Variants in BPTF observed in about 807,000 individuals in gnomAD.
BPTF encodes nucleosome-remodeling factor subunit BPTF.
BPTF carries 18 observed loss-of-function variants against 292.5 expected under a neutral mutation model. The ratio of observed to expected loss-of-function variants is 0.06; its 90% CI spans 0.04 to 0.09. BPTF has a LOEUF of 0.09. Among genes scored for constraint, BPTF ranks in the 10% least tolerant of loss-of-function variants. The pLI is 1.00. For synonymous variants in BPTF, 1,225 were observed against 1,251.9 expected, an observed-to-expected ratio of 0.98 and a Z score of 0.45; for missense variants, 2,726 against 3,498.7, an observed-to-expected ratio of 0.78 and a Z score of 5.57.
chr17:67,903,664 T>G, intron 7 of BPTF, 125 bp from the exon 8 acceptor site: 3 of 812,418 alleles, frequency 3.7e-6, no homozygotes, highest in Non-Finnish European at 5.3e-6. Context: ...TTTTGTCAGT[T>G]GGGGTTGTCT....
chr17:67,897,304 G>A (rs1169424166), intron 7 of BPTF, among the ~76,000 whole-genome samples: 5 of 120,836 alleles, frequency 4.1e-5, no homozygotes, highest in African/African-American at 1.6e-4. Context: ...TCATGCCATT[G>A]CACTCCAGCC....
At chr17:67,851,068 A>G (rs2058365183) in intron 1 of BPTF, among the ~76,000 whole-genome samples, 1 of 152,158 alleles carries the variant, frequency 6.6e-6, no homozygotes, top group Admixed American at 6.6e-5. Flanking sequence ...AGGATTCATC[A>G]CCAGACTGGG....
chr17:67,896,166 G>T (rs1274020289), intron 7 of BPTF, among the ~76,000 whole-genome samples: 8 of 152,120 alleles, frequency 5.3e-5, no homozygotes, highest in Admixed American at 2.6e-4. Context: ...GTTTCACCGT[G>T]TTAGCCAGGA....
chr17:67,864,388 G>A lies in BPTF; in HGVS notation c.1437-2076G>A, dbSNP rs185874790. Among the ~76,000 whole-genome samples the A allele has an allele frequency of 2.7e-4, 41 of 151,996 alleles. 1 individual carries two copies. The highest frequency in any genetic ancestry group is 1.9e-3 in the Admixed American group (29 of 15,240). ...CTAAAAATACAAAAATTAGCTGGGC[G>A]TGGTGGTGTGTGCCTGTAAATCCCA... is the stretch of plus-strand genomic sequence containing the variant. On this transcript the variant is annotated intron_variant, in intron 2 of 27. Coordinates refer to ENST00000306378, the MANE Select transcript of BPTF (RefSeq NM_182641.4).
chr17:67,923,873 A>C (rs1314165352), intron 14 of BPTF, among the ~76,000 whole-genome samples: 2 of 151,904 alleles, frequency 1.3e-5, no homozygotes, highest in Non-Finnish European at 2.9e-5. Flanking sequence ...TTTTTGAGAC[A>C]GTTTCACTCT....
chr17:67,921,914 C>A (rs2063473762), intron 13 of BPTF, among the ~76,000 whole-genome samples: 2 of 152,134 alleles, frequency 1.3e-5, no homozygotes, highest in African/African-American at 2.4e-5. Context: ...CACCTGTAGT[C>A]CCAGCTACTC....
chr17:67,881,447 T>A (rs1009447385), intron 4 of BPTF, among the ~76,000 whole-genome samples: 7 of 151,052 alleles, frequency 4.6e-5, no homozygotes, highest in African/African-American at 1.5e-4. Context: ...ATTGCAAGAT[T>A]CTCTGTTAAC....
At chr17:67,960,015 A>G (rs1555683283) in intron 24 of BPTF, 140 bp downstream of exon 24, 3 of 685,462 alleles carry the variant, frequency 4.4e-6, no homozygotes, top group South Asian at 2.4e-5. Context: ...ATGGTCTTGC[A>G]TGTGATATTC....
In BPTF at chr17:67,909,604, T is replaced by C; in HGVS notation, c.2835T>C (p.Asn945=). ...LEGTKNNMDE[N]MDESDKRKCS... ...TAGCCAAAAATAATATGGATGAAAATATGGATGAGTCAGATAAAAGAAAAT... is the reference window on the plus strand; with the variant it reads ...TAGCCAAAAATAATATGGATGAAAACATGGATGAGTCAGATAAAAGAAAAT... Residue 945 remains asparagine (N), a synonymous_variant, in exon 10 of 28, where the codon AAT becomes AAC. Coordinates refer to ENST00000306378, the MANE Select transcript of BPTF (RefSeq NM_182641.4). 6.4e-7 allele frequency: 1 copy of C among 1,563,184 alleles called. No individual in the cohort carries two copies. Among genetic ancestry groups the C allele is most frequent in the Non-Finnish European group, 8.6e-7 (1 of 1,160,158 alleles).
intron 3 of BPTF, among the ~76,000 whole-genome samples, chr17:67,869,727 T>A (rs1278744483): frequency 6.7e-6 from 1 of 150,124 alleles, no homozygotes; most frequent in Non-Finnish European, 1.5e-5. Context: ...CTCACGCCTG[T>A]AATCCCAGCA....
intron 26 of BPTF, among the ~76,000 whole-genome samples, chr17:67,973,114 C>T (rs2068977948): frequency 6.8e-6 from 1 of 147,610 alleles, no homozygotes. Flanking sequence ...GTGGCTCACG[C>T]CTGTAATCCC....
chr17:67,917,369 C>T (rs1337905067), intron 11 of BPTF, among the ~76,000 whole-genome samples: 2 of 151,964 alleles, frequency 1.3e-5, no homozygotes, highest in Non-Finnish European at 2.9e-5. Context: ...GTGATCCCCC[C>T]ACCTTGGCCT....
chr17:67,905,126 G>A (rs986039681), intron 9 of BPTF, among the ~76,000 whole-genome samples: 1 of 151,918 alleles, frequency 6.6e-6, no homozygotes, highest in African/African-American at 2.4e-5. Context: ...TTTAGGCCAG[G>A]CAGCCAGGCG....
intron 9 of BPTF, 84 bp from the exon 10 acceptor site, chr17:67,909,498 C>G (rs1197141099): frequency 2.5e-6 from 2 of 794,350 alleles, no homozygotes; most frequent in African/African-American, 1.8e-5. Context: ...CTGGAAATTA[C>G]TTGTTTATTT....
intron 1 of BPTF, among the ~76,000 whole-genome samples, chr17:67,840,635 C>T (rs954111913): frequency 3.3e-5 from 5 of 151,994 alleles, no homozygotes; most frequent in Admixed American, 6.6e-5. Context: ...CACTGGAGCC[C>T]GTCATTCCCC....
At chr17:67,876,537 G>T (rs1263812312) in intron 4 of BPTF, among the ~76,000 whole-genome samples, 1 of 152,208 alleles carries the variant, frequency 6.6e-6, no homozygotes, top group Non-Finnish European at 1.5e-5. Context: ...CAGGTGTGGT[G>T]GTTCATGCCT....
At chr17:67,902,744 A>C (rs893641939) in intron 7 of BPTF, among the ~76,000 whole-genome samples, 1 of 152,122 alleles carries the variant, frequency 6.6e-6, no homozygotes, top group African/African-American at 2.4e-5. Flanking sequence ...GTGGGGGGAA[A>C]GGAGATAAAA....
At chr17:67,917,131 C>CCTTTTTTTTTTTTTTTT (rs2063065953) in intron 11 of BPTF, among the ~76,000 whole-genome samples, 5 of 105,806 alleles carry the variant, frequency 4.7e-5, no homozygotes, top group African/African-American at 1.8e-4. Flanking sequence ...TGGTATTGTC[C>CCTTTTTTTTTTTTTTTT]TTTTTTTTTT....
chr17:67,961,728 C>T (rs560117078), intron 24 of BPTF, among the ~76,000 whole-genome samples: 1 of 152,240 alleles, frequency 6.6e-6, no homozygotes, highest in African/African-American at 2.4e-5. Context: ...AATCCCAACA[C>T]TTTGGGAGGC....
Sources: allele counts gnomAD v4.1 joint callset (sites outside exome capture counted in the v4.1 genomes callset), GRCh38; gene constraint gnomAD v4.1.1; transcripts MANE v1.5; gene names NCBI Gene and HGNC (gene_info 2026-07-23, HGNC 2026-07-21).